The following SCRG1 variants were observed in gnomAD, a reference collection of about 807,000 sequenced individuals.
SCRG1 encodes the protein scrapie-responsive protein 1.
A neutral mutation model predicts 7.7 loss-of-function variants in SCRG1; 3 were observed. The observed-to-expected ratio is 0.39, with a 90% CI of 0.18 to 1.01. The LOEUF (loss-of-function observed/expected upper bound fraction) is 1.01, where lower values mean the gene tolerates loss of function less well. SCRG1 is among the 50% of genes least tolerant of loss of function. The pLI, the probability that SCRG1 is intolerant of heterozygous loss-of-function variation, is 0.36. For synonymous variants in SCRG1, 46 were observed against 41.2 expected (o/e 1.12, Z -0.44); for missense variants, 110 against 117.2 (o/e 0.94, Z 0.28).
chr4:173,415,318 T>A, the SCRG1 span, among the ~76,000 whole-genome samples: 4 of 152,212 alleles, frequency 2.6e-5, no homozygotes, highest in Non-Finnish European at 5.9e-5. Flanking sequence ...TGGGTAAAGA[T>A]TGAGTAACTA....
the SCRG1 span, among the ~76,000 whole-genome samples, chr4:173,489,864 T>C: frequency 6.6e-6 from 1 of 152,224 alleles, no homozygotes; most frequent in South Asian, 2.1e-4. Context: ...AATTTTGTTT[T>C]TGGTGTTTTG....
At chr4:173,507,170 C>T in the SCRG1 span, among the ~76,000 whole-genome samples, 1 of 152,142 alleles carries the variant, frequency 6.6e-6, no homozygotes, top group Non-Finnish European at 1.5e-5. The surrounding 1 kb of genome is among the most constrained non-coding windows in gnomAD (Gnocchi z 4.4). Context: ...ACTCCTTGCA[C>T]AAGGTCCGGA....
chr4:173,515,262 G>C, the SCRG1 span, among the ~76,000 whole-genome samples: 78 of 152,176 alleles, frequency 5.1e-4, no homozygotes, highest in Middle Eastern at 3.4e-3. This position sits in a 1 kb window ranked among gnomAD's most constrained non-coding sequence, Gnocchi z 4.6. Flanking sequence ...CCTGCCCCCC[G>C]CCAAAGAATG....
the SCRG1 span, among the ~76,000 whole-genome samples, chr4:173,434,592 A>G: frequency 1.3e-5 from 2 of 152,196 alleles, no homozygotes; most frequent in African/African-American, 4.8e-5. Flanking sequence ...GCACTTTGGG[A>G]GGCCTAGGCG....
the SCRG1 span, among the ~76,000 whole-genome samples, chr4:173,515,066 A>C: frequency 1.3e-5 from 2 of 152,222 alleles, no homozygotes; most frequent in Non-Finnish European, 2.9e-5. The surrounding 1 kb of genome is among the most constrained non-coding windows in gnomAD (Gnocchi z 4.6). Flanking sequence ...CATAGTGACC[A>C]GGAGAAAGAA....
At chr4:173,485,049 AATATATT>A in the SCRG1 span, among the ~76,000 whole-genome samples, 2 of 29,444 alleles carry the variant, frequency 6.8e-5, no homozygotes, top group Admixed American at 7.7e-4. Flanking sequence ...TATATTATAT[AATATATT>A]ATATATTATA....
At chr4:173,421,409 A>C in the SCRG1 span, among the ~76,000 whole-genome samples, 1 of 19,152 alleles carries the variant, frequency 5.2e-5, no homozygotes, top group East Asian at 3.4e-3. Context: ...GTTTTGGTTT[A>C]GTTTGTTGGG....
At chr4:173,419,972 A>G in the SCRG1 span, 1 of 710,674 alleles carries the variant, frequency 1.4e-6, no homozygotes, top group East Asian at 2.6e-5. Flanking sequence ...AACCTGACAA[A>G]TGATATCTCT....
the SCRG1 span, among the ~76,000 whole-genome samples, chr4:173,438,455 C>A: frequency 5.9e-5 from 9 of 152,124 alleles, no homozygotes; most frequent in African/African-American, 1.7e-4. Context: ...CCTGCAGTTT[C>A]AACTAAATCT....
chr4:173,509,128 GC>G, the SCRG1 span, among the ~76,000 whole-genome samples: 4 of 152,144 alleles, frequency 2.6e-5, no homozygotes, highest in Non-Finnish European at 4.4e-5. The surrounding 1 kb of genome is among the most constrained non-coding windows in gnomAD (Gnocchi z 5.7). Context: ...AGAATTGGTG[GC>G]CGTCCTCCCT....
the SCRG1 span, among the ~76,000 whole-genome samples, chr4:173,487,755 C>T: frequency 6.6e-6 from 1 of 151,930 alleles, no homozygotes; most frequent in East Asian, 1.9e-4. Flanking sequence ...TAATTATCAT[C>T]AAGTATGCAA....
the SCRG1 span, among the ~76,000 whole-genome samples, chr4:173,498,769 C>T: frequency 2.3e-4 from 35 of 152,108 alleles, no homozygotes; most frequent in African/African-American, 8.4e-4. Flanking sequence ...TAGATGCACA[C>T]ATATATACAC....
chr4:173,474,809 T>G, the SCRG1 span, among the ~76,000 whole-genome samples: 1 of 152,162 alleles, frequency 6.6e-6, no homozygotes, highest in East Asian at 1.9e-4. Context: ...CTGAGGTCCT[T>G]TTAGAAAATC....
chr4:173,437,788 C>T, the SCRG1 span, among the ~76,000 whole-genome samples: 1 of 152,134 alleles, frequency 6.6e-6, no homozygotes, highest in Admixed American at 6.6e-5. Flanking sequence ...GCCTGGCTAC[C>T]TTAATCTTAA....
the SCRG1 span, among the ~76,000 whole-genome samples, chr4:173,496,213 A>G: frequency 6.6e-6 from 1 of 152,176 alleles, no homozygotes; most frequent in Non-Finnish European, 1.5e-5. Context: ...TGCATTAAAG[A>G]TCGGTCCAGC....
chr4:173,432,229 T>C, the SCRG1 span, among the ~76,000 whole-genome samples: 2 of 138,392 alleles, frequency 1.4e-5, no homozygotes, highest in Non-Finnish European at 3.1e-5. Context: ...ACTTTACAGG[T>C]CCTTCTTTCC....
At chr4:173,467,465 G>A in the SCRG1 span, among the ~76,000 whole-genome samples, 22 of 152,268 alleles carry the variant, frequency 1.4e-4, no homozygotes, top group Non-Finnish European at 2.9e-4. Context: ...AGGTTCATGT[G>A]AGCATGGGGA....
chr4:173,484,399 A>G, the SCRG1 span, among the ~76,000 whole-genome samples: 12 of 74,220 alleles, frequency 1.6e-4, no homozygotes, highest in Admixed American at 1.5e-3. Context: ...TATACATTAT[A>G]TATTATATAC....
At chr4:173,429,771 A>G in the SCRG1 span, among the ~76,000 whole-genome samples, 1 of 152,384 alleles carries the variant, frequency 6.6e-6, no homozygotes, top group East Asian at 1.9e-4. Context: ...TTATCAAACC[A>G]GTCCACTTCC....
Sources: gnomAD v4.1 joint callset for allele counts (sites outside exome capture counted in the v4.1 genomes callset) on GRCh38, gnomAD v4.1.1 for gene constraint, Gnocchi (gnomAD v3.1) non-coding constraint, MANE v1.5 for transcripts, NCBI Gene and HGNC (gene_info 2026-07-23, HGNC 2026-07-21) for gene names.